GNAS: variants seen among roughly 807,000 people sequenced by gnomAD.
GNAS encodes GNAS complex locus.
GNAS carries 8 observed loss-of-function variants against 54.5 expected under a neutral mutation model. That is an observed-to-expected ratio of 0.15 (90% CI 0.09 to 0.26). The LOEUF (loss-of-function observed/expected upper bound fraction) is 0.26. Among genes scored for constraint, GNAS ranks in the 10% least tolerant of loss-of-function variants. The probability of loss-of-function intolerance (pLI) is 1.00; values close to 1 mark genes in which losing one functional copy is unlikely to be tolerated. For missense variants in GNAS, 170 were observed against 529.8 expected, an observed-to-expected ratio of 0.32 and a Z score of 6.67; for synonymous variants, 204 against 191.4, an observed-to-expected ratio of 1.07 and a Z score of -0.54.
chr20:58,879,196 A>C (rs2088055110), intron 1 of GNAS, among the ~76,000 whole-genome samples: 1 of 152,212 alleles, frequency 6.6e-6, no homozygotes, highest in African/African-American at 2.4e-5. Context: ...TAGCTTCTTA[A>C]TTTAGACCAT....
At chr20:58,893,807 T>A (rs1256096725) in intron 1 of GNAS, among the ~76,000 whole-genome samples, 3 of 152,234 alleles carry the variant, frequency 2.0e-5, no homozygotes, top group Admixed American at 2.0e-4. Context: ...CAGTACTACT[T>A]TAAGTCAAGT....
At chr20:58,882,224 G>C (rs888003988) in intron 1 of GNAS, among the ~76,000 whole-genome samples, 2 of 152,158 alleles carry the variant, frequency 1.3e-5, no homozygotes, top group Non-Finnish European at 2.9e-5. Flanking sequence ...GCCCGCCACT[G>C]CGCCCGGCTA....
At chr20:58,846,013 C>T (rs2085927243) in intron 1 of GNAS, among the ~76,000 whole-genome samples, 2 of 152,088 alleles carry the variant, frequency 1.3e-5, no homozygotes, top group African/African-American at 2.4e-5. Context: ...GAAAGGCCAA[C>T]ATAAACCCAG....
At chr20:58,905,978 A>G (rs1198161794) in intron 6 of GNAS, among the ~76,000 whole-genome samples, 3 of 152,114 alleles carry the variant, frequency 2.0e-5, no homozygotes, top group African/African-American at 7.2e-5. Flanking sequence ...GTGTTACTAG[A>G]TCCTAGTGAC....
Position 58,855,086 on chromosome 20 carries a change from A to T in GNAS, c.43+14200A>T, listed in dbSNP as rs777694319. The T allele has an allele frequency of 1.9e-6, 3 of 1,613,356 alleles. No individual in the cohort carries two copies. The South Asian group carries it at 3.3e-5, about 18-fold the overall frequency. The stretch of plus-strand genomic sequence containing the variant: ...GCCGCCGAAAGCCCCAGCGCAACTT[A>T]CTCCGCAACTTTCTCGTGCAAGCCT... On this transcript the variant is annotated intron_variant, in intron 1 of 12. Coordinates refer to the GNAS transcript ENST00000306090.
intron 1 of GNAS, chr20:58,850,823 T>A: frequency 5.0e-6 from 2 of 398,798 alleles, no homozygotes; most frequent in Non-Finnish European, 8.8e-6. Context: ...CTTCCAGGCC[T>A]AGCCGCCATA....
At chr20:58,888,944 G>A (rs2088810057), upstream of GNAS, 1 of 330,736 alleles carries the variant, frequency 3.0e-6, no homozygotes, top group African/African-American at 2.2e-5. Flanking sequence ...ACCGCCTTGG[G>A]CGCGCCCGCG....
At chr20:58,849,324 C>T (rs536368289) in intron 1 of GNAS, among the ~76,000 whole-genome samples, 5 of 152,300 alleles carry the variant, frequency 3.3e-5, no homozygotes, top group African/African-American at 1.2e-4. Context: ...GCTCCCATCT[C>T]TCCCTTCTGA....
upstream of GNAS, chr20:58,840,753 G>C (rs142690161): frequency 5.2e-5 from 83 of 1,606,400 alleles, 1 homozygote; most frequent in Non-Finnish European, 7.6e-6. The surrounding 1 kb of genome is among the most constrained non-coding windows in gnomAD (Gnocchi z 6.0). Flanking sequence ...GAGAAGCAGC[G>C]GCGTCGCTGC....
At chr20:58,884,872 T>G (rs1206371735) in intron 1 of GNAS, 2 of 152,142 alleles carry the variant, frequency 1.3e-5, no homozygotes, top group Admixed American at 6.6e-5. Flanking sequence ...GCTTCCTCAG[T>G]CTTCTCCTGG....
At chr20:58,843,914 G>T (rs892270491) in intron 1 of GNAS, 1 of 152,024 alleles carries the variant, frequency 6.6e-6, no homozygotes, top group Non-Finnish European at 1.5e-5. Context: ...CAGAATTCAA[G>T]AATTAGAAAT....
At chr20:58,889,257 TGCGGCGCG>T, upstream of GNAS, 1 of 1,069,798 alleles carries the variant, frequency 9.3e-7, no homozygotes, top group East Asian at 1.1e-4. Flanking sequence ...GGCTCCGGGC[TGCGGCGCG>T]GCGGCTGGAG....
At chr20:58,867,889 TG>T (rs1213552495) in intron 1 of GNAS, among the ~76,000 whole-genome samples, 3 of 152,040 alleles carry the variant, frequency 2.0e-5, no homozygotes, top group Non-Finnish European at 4.4e-5. Flanking sequence ...AGGGACAGCT[TG>T]AGAAAGGAGG....
At position 58,909,761 on chromosome 20, in the gene GNAS, C is replaced by T; in HGVS notation, c.796C>T (p.Leu266=). The change falls in exon 10 of 13, where the codon CTG becomes TTG. Residue 266 remains leucine, a synonymous_variant. Transcript: ENST00000371085. The surrounding 1 kb of genome is among the most constrained non-coding windows in gnomAD (Gnocchi z 7.3). Reference sequence around the variant, plus strand: ...CCGGGAGGACAACCAGACCAACCGCCTGCAGGAGGCTCTGAACCTCTTCAA... The same window carrying T: ...CCGGGAGGACAACCAGACCAACCGCTTGCAGGAGGCTCTGAACCTCTTCAA... ...VIREDNQTNR[L]QEALNLFKSI... The T allele has an allele frequency of 1.2e-6, 2 of 1,614,048 alleles. No homozygotes were observed. The highest frequency in any genetic ancestry group is 1.3e-5 in the African/African-American group (1 of 75,054).
At chr20:58,903,850 A>G in intron 5 of GNAS, 59 bp downstream of exon 5, 3 of 1,596,544 alleles carry the variant, frequency 1.9e-6, no homozygotes, top group Admixed American at 1.7e-5. Flanking sequence ...CAGTGTCCAT[A>G]TAGGAACATG....
rs138562034 is a variant in GNAS at position 58,873,656 on chromosome 20, C to T, written c.44-21956C>T. 6.6e-4 allele frequency among the ~76,000 whole-genome samples: 100 copies of T among 152,322 alleles called. No homozygotes were observed. The highest frequency in any genetic ancestry group is 1.2e-3 in the Non-Finnish European group (79 of 68,030). ...GTGTCTGCCACGCCCCTTAGAAGGA[C>T]GAATCCTTGCCTGGTCGGTGAGTTT... On this transcript the variant is annotated intron_variant, in intron 1 of 12. Transcript: ENST00000306090. This position sits in a 1 kb window ranked among gnomAD's most constrained non-coding sequence, Gnocchi z 4.3.
chr20:58,865,480 TATATA>T (rs907467865), intron 1 of GNAS, among the ~76,000 whole-genome samples: 9 of 147,988 alleles, frequency 6.1e-5, no homozygotes, highest in South Asian at 2.1e-4. Context: ...ATACAAAATA[TATATA>T]ATATGATATA....
chr20:58,890,487 T>C (rs2089085635), upstream of GNAS, among the ~76,000 whole-genome samples: 1 of 151,838 alleles, frequency 6.6e-6, no homozygotes, highest in African/African-American at 2.4e-5. Context: ...CCTCGTGGTG[T>C]TCCTGGTCTT....
intron 1 of GNAS, among the ~76,000 whole-genome samples, chr20:58,879,878 G>C (rs2088109572): frequency 6.6e-6 from 1 of 152,038 alleles, no homozygotes; most frequent in African/African-American, 2.4e-5. Context: ...TTTGTCTTAG[G>C]TTACAACCAG....
Sources: gnomAD v4.1 joint callset for allele counts (sites outside exome capture counted in the v4.1 genomes callset) on GRCh38, gnomAD v4.1.1 for gene constraint, Gnocchi (gnomAD v3.1) non-coding constraint, MANE v1.5 for transcripts, NCBI Gene and HGNC (gene_info 2026-07-23, HGNC 2026-07-21) for gene names.